The following FBXW8 variants were observed in gnomAD, a reference collection of about 807,000 sequenced individuals.
The protein encoded by FBXW8 is F-box and WD repeat domain containing 8, also known as F-box/WD repeat-containing protein 8.
A neutral mutation model predicts 65.3 loss-of-function variants in FBXW8; 57 were observed. The ratio of observed to expected loss-of-function variants is 0.87; its 90% confidence interval spans 0.71 to 1.09. The LOEUF is 1.09. FBXW8 is among the 50% of genes least tolerant of loss of function. FBXW8 has a pLI of 0.00. For missense variants in FBXW8, 777 were observed against 814.8 expected, an observed-to-expected ratio of 0.95 and a Z score of 0.57; for synonymous variants, 308 against 330.2, an observed-to-expected ratio of 0.93 and a Z score of 0.73.
chr12:116,945,568 C>T, intron 3 of FBXW8, 40 bp downstream of exon 3: 1 of 1,586,208 alleles, frequency 6.3e-7, no homozygotes, highest in Non-Finnish European at 8.6e-7. Flanking sequence ...AAAGAATAGC[C>T]TGCAAGGACA....
intron 5 of FBXW8, among the ~76,000 whole-genome samples, chr12:116,982,083 A>C (rs566825885): frequency 9.2e-5 from 14 of 152,328 alleles, no homozygotes; most frequent in African/African-American, 2.6e-4. Context: ...CCAAATACTC[A>C]ATCCAAAAAA....
At chr12:116,941,778 G>C (rs1439800682) in intron 2 of FBXW8, among the ~76,000 whole-genome samples, 2 of 151,962 alleles carry the variant, frequency 1.3e-5, no homozygotes, top group African/African-American at 4.8e-5. Flanking sequence ...GTGTTAAATA[G>C]ATATTGTCTA....
At position 116,945,507 on chromosome 12, in the gene FBXW8, C is replaced by T. The variant is rs1882872157; in HGVS notation, c.567C>T (p.His189=). ...LIFQECRAKE[H]MLRTNWKNRK... is the part of the protein sequence containing the mutation. ...TCCAAGAGTGCCGAGCCAAGGAACA[C>T]ATGTTACGAACCAACTGGAAGGTGG... Residue 189 remains histidine, a synonymous_variant, in exon 3 of 11, where the codon CAC becomes CAT. Coordinates refer to ENST00000652555, the MANE Select transcript of FBXW8 (RefSeq NM_153348.3). 1 of 1,613,880 alleles carries T rather than the reference C, an allele frequency of 6.2e-7. No homozygotes were observed. Among genetic ancestry groups the T allele is most frequent in the Non-Finnish European group, 8.5e-7 (1 of 1,179,964 alleles).
intron 7 of FBXW8, among the ~76,000 whole-genome samples, chr12:117,001,075 A>C (rs1050776952): frequency 1.3e-5 from 2 of 152,160 alleles, no homozygotes; most frequent in African/African-American, 4.8e-5. Context: ...TTCAAATGGA[A>C]GGATATTCCG....
chr12:117,021,735 C>T (rs1457720801), intron 8 of FBXW8, among the ~76,000 whole-genome samples: 1 of 151,836 alleles, frequency 6.6e-6, no homozygotes, highest in Non-Finnish European at 1.5e-5. Context: ...AGTCTACCCA[C>T]TTCTTTCCGA....
At chr12:116,951,709 GT>G (rs1215691274) in intron 4 of FBXW8, among the ~76,000 whole-genome samples, 1 of 152,140 alleles carries the variant, frequency 6.6e-6, no homozygotes, top group Non-Finnish European at 1.5e-5. Context: ...AATATTCCTA[GT>G]TTGGGGCCAT....
chr12:116,945,384 G>A lies in FBXW8; in HGVS notation c.444G>A (p.Val148=), dbSNP rs775900783. Residue 148 remains valine (V), a synonymous_variant, in exon 3 of 11, where the codon GTG becomes GTA. Coordinates refer to ENST00000652555, the MANE Select transcript of FBXW8 (RefSeq NM_153348.3). The stretch of plus-strand genomic sequence containing the variant: ...TTTAGGTGAGCAAGACGTGGAAGGT[G>A]ATTGCAGAGGATGAGGTGCTGTGGT... ...RCAQVSKTWK[V]IAEDEVLWYR... is the part of the protein sequence containing the mutation. 2 of 1,613,202 alleles carry A rather than the reference G, an allele frequency of 1.2e-6. No homozygotes were observed. Among genetic ancestry groups the A allele is most frequent in the Admixed American group, 1.7e-5 (1 of 59,996 alleles).
intron 1 of FBXW8, among the ~76,000 whole-genome samples, chr12:116,926,957 A>G (rs1364759069): frequency 6.6e-6 from 1 of 151,732 alleles, no homozygotes. Context: ...TTTTGTTTTG[A>G]GACAGCAGCC....
chr12:117,013,800 A>G (rs1371620938), intron 8 of FBXW8, among the ~76,000 whole-genome samples: 1 of 151,988 alleles, frequency 6.6e-6, no homozygotes, highest in Non-Finnish European at 1.5e-5. Flanking sequence ...ATGAAAGTAT[A>G]TATTCACTGA....
chr12:116,956,048 C>T (rs889771938), intron 4 of FBXW8, among the ~76,000 whole-genome samples: 1 of 152,144 alleles, frequency 6.6e-6, no homozygotes, highest in Non-Finnish European at 1.5e-5. Context: ...AAGGCTAAAG[C>T]ATTCTAGTTG....
chr12:117,017,584 CTTTAATA>C (rs1175459224), intron 8 of FBXW8, among the ~76,000 whole-genome samples: 3 of 152,128 alleles, frequency 2.0e-5, no homozygotes, highest in African/African-American at 4.8e-5. Flanking sequence ...TTAAAATCCT[CTTTAATA>C]TTTAATAGCC....
intron 1 of FBXW8, among the ~76,000 whole-genome samples, chr12:116,921,822 CTTTTTTT>C (rs11449832): frequency 2.0e-5 from 2 of 99,346 alleles, no homozygotes; most frequent in Admixed American, 2.2e-4. Context: ...GTATTTCTGA[CTTTTTTT>C]TTTTTTTTTT....
chr12:116,918,887 T>C (rs1880649923), intron 1 of FBXW8, among the ~76,000 whole-genome samples: 2 of 152,212 alleles, frequency 1.3e-5, no homozygotes, highest in Admixed American at 1.3e-4. Context: ...TAGTCCCACC[T>C]TATCCACTGG....
intron 7 of FBXW8, among the ~76,000 whole-genome samples, chr12:117,001,842 A>G (rs1200861930): frequency 6.6e-6 from 1 of 152,202 alleles, no homozygotes; most frequent in East Asian, 1.9e-4. Flanking sequence ...AGCATTAACC[A>G]GGTCTTCATG....
intron 4 of FBXW8, among the ~76,000 whole-genome samples, chr12:116,958,859 A>C (rs895090498): frequency 6.6e-6 from 1 of 152,208 alleles, no homozygotes; most frequent in African/African-American, 2.4e-5. Flanking sequence ...TTTTCTGGTA[A>C]GCTGGATGAA....
In FBXW8 at chr12:117,028,948, C is replaced by G. The variant is rs1021838465; in HGVS notation, c.*776C>G. 1.3e-5 allele frequency: 2 copies of G among 152,204 alleles called. No individual in the cohort carries two copies. The highest frequency in any genetic ancestry group is 4.8e-5 in the African/African-American group (2 of 41,434). 9.4% of individuals were successfully genotyped at this position (152,204 alleles called of 1,614,324 possible). On this transcript the variant is annotated 3_prime_UTR_variant, in exon 11 of 11. Transcript: ENST00000652555. The surrounding 1 kb of genome is among the most constrained non-coding windows in gnomAD (Gnocchi z 4.1). ...CCATTGCCTTACTCTTGATTTTCAACAGTTCTAAACAGCAACAGCATCCAC... is the reference window on the plus strand; with the variant it reads ...CCATTGCCTTACTCTTGATTTTCAAGAGTTCTAAACAGCAACAGCATCCAC...
rs931633497 is a variant in FBXW8 at position 116,954,628 on chromosome 12, C to G, written c.677+4922C>G. ...ATAAAATAAAGAGTTAAAGTTCTCTCATTATCGTCTCCTAGTCTTGCAATC... is the reference window on the plus strand; with the variant it reads ...ATAAAATAAAGAGTTAAAGTTCTCTGATTATCGTCTCCTAGTCTTGCAATC... On this transcript the variant is annotated intron_variant, in intron 4 of 10. Coordinates refer to ENST00000652555, the MANE Select transcript of FBXW8 (RefSeq NM_153348.3). 3.3e-5 allele frequency among the ~76,000 whole-genome samples: 5 copies of G among 152,184 alleles called. No homozygotes were observed. The East Asian group carries it at 9.6e-4, about 29-fold the overall frequency.
chr12:116,911,876 A>G (rs908895315), intron 1 of FBXW8, among the ~76,000 whole-genome samples: 1 of 152,216 alleles, frequency 6.6e-6, no homozygotes, highest in Non-Finnish European at 1.5e-5. Context: ...CAAAAAAATT[A>G]TCTCAGAAAA....
intron 5 of FBXW8, among the ~76,000 whole-genome samples, chr12:116,983,527 C>A (rs77148623): frequency 1.3e-5 from 2 of 152,164 alleles, no homozygotes; most frequent in Non-Finnish European, 2.9e-5. Flanking sequence ...TTATTTTCTT[C>A]CAATTCTCTA....
Sources: allele counts gnomAD v4.1 joint callset (sites outside exome capture counted in the v4.1 genomes callset), GRCh38; gene constraint gnomAD v4.1.1; non-coding constraint Gnocchi (gnomAD v3.1); transcripts MANE v1.5; gene names NCBI Gene and HGNC (gene_info 2026-07-23, HGNC 2026-07-21).